The following CYP4Z1 variants were observed in gnomAD, a reference collection of about 807,000 sequenced individuals.
The protein encoded by CYP4Z1 is cytochrome P450 family 4 subfamily Z member 1, also known as cytochrome P450 4Z1.
Under a neutral mutation model 54.2 loss-of-function variants are expected in CYP4Z1, and 41 were observed. That is an observed-to-expected ratio of 0.76 (90% CI 0.59 to 0.98). The LOEUF (loss-of-function observed/expected upper bound fraction) is 0.98. Ranked by LOEUF, CYP4Z1 falls within the 50% of genes least tolerant of loss-of-function variation. CYP4Z1 has a pLI of 0.00. For missense variants in CYP4Z1, 513 were observed against 599.0 expected (o/e 0.86, Z 1.50); for synonymous variants, 163 against 206.2 (o/e 0.79, Z 1.79).
the CYP4Z1 span, among the ~76,000 whole-genome samples, chr1:47,057,524 A>C: frequency 1.6e-5 from 2 of 127,646 alleles, no homozygotes; most frequent in African/African-American, 5.9e-5. Flanking sequence ...TTTAGATTGC[A>C]TATCTTCCAA....
chr1:47,084,658 G>C lies in CYP4Z1; in HGVS notation c.531G>C (p.Leu177=), dbSNP rs772989330. ...AACACATTGCCCAAAACTCACGTCT[G>C]GAGCTCTTTCAACATGTCTCCCTGA... ...WEEHIAQNSR[L]ELFQHVSLMT... The change falls in exon 5 of 12, where the codon CTG becomes CTC. Residue 177 remains leucine (L), a synonymous_variant. Transcript: ENST00000334194. The C allele has an allele frequency of 1.7e-5, 27 of 1,607,450 alleles. No homozygotes were observed. Among genetic ancestry groups the C allele is most frequent in the Non-Finnish European group, 2.2e-5 (26 of 1,177,610 alleles).
chr1:47,063,297 A>T (rs916709233), upstream of CYP4Z1, among the ~76,000 whole-genome samples: 1 of 152,086 alleles, frequency 6.6e-6, no homozygotes, highest in Non-Finnish European at 1.5e-5. Context: ...AAGGAACCAG[A>T]AAAAAACAAT....
chr1:47,105,902 A>G (rs1644753097), intron 8 of CYP4Z1, among the ~76,000 whole-genome samples: 1 of 136,922 alleles, frequency 7.3e-6, no homozygotes, highest in African/African-American at 2.8e-5. Flanking sequence ...GTCTCAGGAT[A>G]AGAGCCCTAT....
At chr1:47,056,926 G>T in the CYP4Z1 span, among the ~76,000 whole-genome samples, 2 of 151,694 alleles carry the variant, frequency 1.3e-5, no homozygotes, top group African/African-American at 4.8e-5. Flanking sequence ...TACATTTAAG[G>T]TTAATATTGT....
At chr1:47,077,403 G>A (rs1384848504) in intron 2 of CYP4Z1, among the ~76,000 whole-genome samples, 1 of 151,862 alleles carries the variant, frequency 6.6e-6, no homozygotes, top group Non-Finnish European at 1.5e-5. Context: ...TTTCCTTACT[G>A]TTTGCATAGA....
At chr1:47,085,371 C>A (rs1194113184) in intron 6 of CYP4Z1, among the ~76,000 whole-genome samples, 1 of 152,118 alleles carries the variant, frequency 6.6e-6, no homozygotes, top group Non-Finnish European at 1.5e-5. Context: ...GTTCATCAAA[C>A]AACACAGCAC....
chr1:47,078,323 C>G (rs1644540116), intron 2 of CYP4Z1, among the ~76,000 whole-genome samples: 1 of 152,112 alleles, frequency 6.6e-6, no homozygotes, highest in South Asian at 2.1e-4. Flanking sequence ...CTGTTGAAAC[C>G]TTATGAACTT....
In CYP4Z1 at chr1:47,106,211, G is replaced by A. The variant is rs773077143; in HGVS notation, c.1151G>A (p.Arg384Gln). The change falls in exon 9 of 12, where the codon CGG (arginine) becomes CAG (glutamine). Residue 384 changes from arginine to glutamine, a missense_variant. Physicochemically the swap from Arg to Gln is conservative, Grantham distance 43 (BLOSUM62 1). Transcript: ENST00000334194. ...TACGCACCGGTAGTAAACATATCCC[G>A]GTTACTCGACAAACCCATCACCTTT... The part of the protein sequence containing the change: ...RLYAPVVNIS[R>Q]LLDKPITFPD... The A allele has an allele frequency of 5.0e-6, 8 of 1,613,662 alleles. No homozygotes were observed. Among genetic ancestry groups the A allele is most frequent in the South Asian group, 2.2e-5 (2 of 91,048 alleles).
upstream of CYP4Z1, among the ~76,000 whole-genome samples, chr1:47,066,279 C>G (rs1402166956): frequency 6.6e-6 from 1 of 152,042 alleles, no homozygotes; most frequent in East Asian, 1.9e-4. Context: ...TGCAAAAATC[C>G]TCAATCAAAT....
intron 8 of CYP4Z1, among the ~76,000 whole-genome samples, chr1:47,102,533 G>A (rs542708146): frequency 4.0e-4 from 61 of 152,246 alleles, no homozygotes; most frequent in Middle Eastern, 3.4e-3. Flanking sequence ...CAGTGGTGAT[G>A]AATTCCCTCA....
the CYP4Z1 span, among the ~76,000 whole-genome samples, chr1:47,059,763 T>C: frequency 6.6e-6 from 1 of 152,154 alleles, no homozygotes; most frequent in Non-Finnish European, 1.5e-5. Context: ...GGCTGGGCTG[T>C]TTCCTAAGCA....
chr1:47,114,534 G>C (rs1644815812), intron 9 of CYP4Z1, among the ~76,000 whole-genome samples: 1 of 152,120 alleles, frequency 6.6e-6, no homozygotes, highest in Non-Finnish European at 1.5e-5. Context: ...GAAAATTTTT[G>C]CAATCTCCTC....
At chr1:47,062,889 T>C (rs2148522237), upstream of CYP4Z1, among the ~76,000 whole-genome samples, 1 of 152,312 alleles carries the variant, frequency 6.6e-6, no homozygotes, top group South Asian at 2.1e-4. Context: ...CCACAGCTGA[T>C]GCACTCTTGA....
At chr1:47,117,649 GA>G (rs36121108) in intron 11 of CYP4Z1, 116 bp from the exon 12 acceptor site, 80 of 1,118,038 alleles carry the variant, frequency 7.2e-5, no homozygotes, top group South Asian at 9.2e-5. Context: ...CAGGATGACA[GA>G]AAAAAAAATG....
intron 6 of CYP4Z1, among the ~76,000 whole-genome samples, chr1:47,094,356 T>C (rs561804052): frequency 6.6e-6 from 1 of 152,110 alleles, no homozygotes; most frequent in East Asian, 1.9e-4. Flanking sequence ...ACATCCTTAT[T>C]TGAAGGAAGA....
chr1:47,108,308 C>T (rs10890459), intron 9 of CYP4Z1, among the ~76,000 whole-genome samples: 68,130 of 148,958 alleles, frequency 0.46, 14,185 homozygotes, highest in East Asian at 0.96. Context: ...TTGGCAATGC[C>T]GTCAACTTCC....
intron 1 of CYP4Z1, among the ~76,000 whole-genome samples, chr1:47,068,017 G>A (rs1644463007): frequency 6.6e-6 from 1 of 152,142 alleles, no homozygotes; most frequent in Admixed American, 6.5e-5. Context: ...TTGTTAACAG[G>A]AACTATACCA....
At chr1:47,101,511 G>T (rs1427319166) in intron 8 of CYP4Z1, among the ~76,000 whole-genome samples, 1 of 151,914 alleles carries the variant, frequency 6.6e-6, no homozygotes, top group Non-Finnish European at 1.5e-5. Flanking sequence ...TGACCCAATT[G>T]TTGTTCAGGA....
intron 4 of CYP4Z1, among the ~76,000 whole-genome samples, chr1:47,083,980 C>T (rs1014801974): frequency 4.6e-5 from 7 of 152,044 alleles, no homozygotes; most frequent in African/African-American, 1.4e-4. Context: ...TTAATAACAG[C>T]TTAACAGTGT....
Sources: gnomAD v4.1 joint callset for allele counts (sites outside exome capture counted in the v4.1 genomes callset) on GRCh38, gnomAD v4.1.1 for gene constraint, MANE v1.5 for transcripts, NCBI Gene and HGNC (gene_info 2026-07-23, HGNC 2026-07-21) for gene names.